Variants in FA2H observed in about 807,000 individuals in gnomAD.
FA2H encodes the protein fatty acid 2-hydroxylase.
In FA2H, 22 loss-of-function variants were observed where a neutral mutation model predicts 44.9. The observed-to-expected ratio is 0.49, with a 90% CI of 0.35 to 0.70. FA2H has a LOEUF of 0.70. FA2H is among the 30% of genes least tolerant of loss of function. The probability of loss-of-function intolerance (pLI) is 0.01; values close to 1 mark genes in which losing one functional copy is unlikely to be tolerated. For synonymous variants in FA2H, 243 were observed against 213.2 expected (o/e 1.14, Z -1.22); for missense variants, 501 against 504.9 (o/e 0.99, Z 0.07).
At chr16:74,729,007 T>TC (rs1962020071) in intron 2 of FA2H, among the ~76,000 whole-genome samples, 1 of 120,026 alleles carries the variant, frequency 8.3e-6, no homozygotes, top group Non-Finnish European at 1.8e-5. Context: ...GGTCTTGATT[T>TC]TTTTTTTTTT....
chr16:74,736,042 T>C (rs1226905460), intron 2 of FA2H, among the ~76,000 whole-genome samples: 2 of 144,786 alleles, frequency 1.4e-5, no homozygotes, highest in African/African-American at 4.9e-5. Flanking sequence ...CACTGTGGCA[T>C]CTCTTGCCTC....
chr16:74,734,738 G>A (rs1472149787), intron 2 of FA2H, among the ~76,000 whole-genome samples: 4 of 152,202 alleles, frequency 2.6e-5, no homozygotes, highest in African/African-American at 9.6e-5. Flanking sequence ...GGCATAGGAC[G>A]CTTTCCTGGG....
chr16:74,729,639 C>T (rs1428769208), intron 2 of FA2H, among the ~76,000 whole-genome samples: 1 of 152,216 alleles, frequency 6.6e-6, no homozygotes, highest in Non-Finnish European at 1.5e-5. Context: ...TTGAGGATTT[C>T]TGACAAGCCA....
At chr16:74,748,300 A>AC (rs1432419671) in intron 1 of FA2H, among the ~76,000 whole-genome samples, 3 of 150,978 alleles carry the variant, frequency 2.0e-5, no homozygotes, top group Non-Finnish European at 4.4e-5. Flanking sequence ...CACTTCCCCC[A>AC]CCCCCCACGT....
chr16:74,754,034 T>C (rs922442011), intron 1 of FA2H, among the ~76,000 whole-genome samples: 14 of 152,224 alleles, frequency 9.2e-5, no homozygotes, highest in African/African-American at 3.1e-4. Flanking sequence ...CAATAGACCA[T>C]AGTTCTCCAA....
chr16:74,724,366 G>A (rs902932923), intron 4 of FA2H, among the ~76,000 whole-genome samples: 13 of 152,202 alleles, frequency 8.5e-5, no homozygotes, highest in Admixed American at 3.3e-4. Context: ...AAGCTGCTCT[G>A]GAGCCATCCT....
chr16:74,720,719 A>G (rs1480200037), intron 4 of FA2H, among the ~76,000 whole-genome samples: 1 of 152,114 alleles, frequency 6.6e-6, no homozygotes, highest in Non-Finnish European at 1.5e-5. Flanking sequence ...CCCTGTACCC[A>G]TTAGCAGCCA....
chr16:74,732,010 C>G (rs1417325035), intron 2 of FA2H, among the ~76,000 whole-genome samples: 11 of 152,152 alleles, frequency 7.2e-5, no homozygotes, highest in African/African-American at 2.7e-4. Flanking sequence ...GTAGCTGGGA[C>G]TATAGGCTCA....
At position 74,726,350 on chromosome 16, in the gene FA2H, G is replaced by A; in HGVS notation, c.507-19C>T. 2 of 1,502,128 alleles carry A rather than the reference G, an allele frequency of 1.3e-6. No homozygotes were observed. Among genetic ancestry groups the A allele is most frequent in the Non-Finnish European group, 1.9e-6 (2 of 1,078,508 alleles). 93.0% of individuals were successfully genotyped at this position (1,502,128 alleles called of 1,614,324 possible). On this transcript the variant is annotated intron_variant, in intron 3 of 6. Coordinates refer to ENST00000219368, the MANE Select transcript of FA2H (RefSeq NM_024306.5). Reference sequence around the variant, plus strand: ...ACTGTACCTGCAGGAAGGCCATCAGGGTGAGAGAGATACATGCACAGGAGC... The same window carrying A: ...ACTGTACCTGCAGGAAGGCCATCAGAGTGAGAGAGATACATGCACAGGAGC...
Position 74,774,482 on chromosome 16 carries a change from G to A in FA2H, c.270+4C>T, listed in dbSNP as rs888434241. The A allele has an allele frequency of 2.0e-6, 3 of 1,510,004 alleles. No individual in the cohort carries two copies. The highest frequency in any genetic ancestry group is 2.6e-6 in the Non-Finnish European group (3 of 1,135,314). 93.5% of individuals were successfully genotyped at this position (1,510,004 alleles called of 1,614,324 possible). ...TGGGGTGGGGGGCCCCGGCCCGGCT[G>A]TACCTGCTGCTCCCCGCGGAGCTCT... On this transcript the variant is annotated splice_donor_region_variant and intron_variant, in intron 1 of 6. Coordinates refer to ENST00000219368, the MANE Select transcript of FA2H (RefSeq NM_024306.5).
chr16:74,754,000 C>G (rs984794964), intron 1 of FA2H, among the ~76,000 whole-genome samples: 12 of 152,186 alleles, frequency 7.9e-5, no homozygotes, highest in Admixed American at 6.5e-5. Context: ...ACATTGAACT[C>G]TCTGTCTTGG....
At chr16:74,722,080 G>A (rs913872355) in intron 4 of FA2H, among the ~76,000 whole-genome samples, 2 of 152,138 alleles carry the variant, frequency 1.3e-5, no homozygotes, top group Non-Finnish European at 2.9e-5. Context: ...CCCCCTGCTC[G>A]GCAGTGCAAA....
intron 1 of FA2H, among the ~76,000 whole-genome samples, chr16:74,756,734 TA>T (rs1046848573): frequency 6.6e-6 from 1 of 152,074 alleles, no homozygotes; most frequent in Non-Finnish European, 1.5e-5. Context: ...GTAGGTTTTT[TA>T]AAAAAAATCA....
chr16:74,735,094 G>A (rs539728784), intron 2 of FA2H, among the ~76,000 whole-genome samples: 2 of 152,220 alleles, frequency 1.3e-5, no homozygotes, highest in African/African-American at 4.8e-5. Flanking sequence ...GACCTCTTTT[G>A]ACAGATGAGA....
intron 1 of FA2H, among the ~76,000 whole-genome samples, chr16:74,767,012 G>A (rs1962821719): frequency 6.6e-6 from 1 of 151,452 alleles, no homozygotes; most frequent in African/African-American, 2.4e-5. Flanking sequence ...GTTTACCTAG[G>A]TTAAAAAAAA....
intron 2 of FA2H, among the ~76,000 whole-genome samples, chr16:74,733,556 T>C (rs1476859592): frequency 6.6e-6 from 1 of 152,138 alleles, no homozygotes; most frequent in Non-Finnish European, 1.5e-5. Flanking sequence ...TGTCCTTTCT[T>C]AATCATCTTC....
chr16:74,750,277 T>G (rs1325999758), intron 1 of FA2H, among the ~76,000 whole-genome samples: 3 of 152,140 alleles, frequency 2.0e-5, no homozygotes, highest in Non-Finnish European at 4.4e-5. Flanking sequence ...ACTAGTATAA[T>G]AAAACAAATT....
intron 2 of FA2H, among the ~76,000 whole-genome samples, chr16:74,734,587 C>T (rs568826934): frequency 2.0e-5 from 3 of 152,352 alleles, no homozygotes; most frequent in South Asian, 2.1e-4. Flanking sequence ...ATGTGGCCCA[C>T]AGCAGCACGG....
chr16:74,744,421 C>A (rs529796790), intron 1 of FA2H, among the ~76,000 whole-genome samples: 1 of 150,266 alleles, frequency 6.7e-6, no homozygotes, highest in East Asian at 2.0e-4. Context: ...TTCTTTTTTC[C>A]AGTATTTGGA....
Sources: allele counts gnomAD v4.1 joint callset (sites outside exome capture counted in the v4.1 genomes callset), GRCh38; gene constraint gnomAD v4.1.1; transcripts MANE v1.5; gene names NCBI Gene and HGNC (gene_info 2026-07-23, HGNC 2026-07-21).